The following SOX6 variants were observed in gnomAD, a reference collection of about 807,000 sequenced individuals.
SOX6 encodes SRY-box transcription factor 6, also known as transcription factor SOX-6.
In SOX6, 11 loss-of-function variants were observed where a neutral mutation model predicts 97.8. The ratio of observed to expected loss-of-function variants is 0.11; its 90% CI spans 0.07 to 0.19. SOX6 has a LOEUF of 0.19. Ranked by LOEUF, SOX6 falls within the 10% of genes least tolerant of loss-of-function variation. The probability of loss-of-function intolerance (pLI) is 1.00; values close to 1 mark genes in which losing one functional copy is unlikely to be tolerated. For synonymous variants in SOX6, 360 were observed against 371.4 expected, an observed-to-expected ratio of 0.97 and a Z score of 0.35; for missense variants, 810 against 1,039.5, an observed-to-expected ratio of 0.78 and a Z score of 3.04.
At chr11:16,169,200 G>A (rs1044296787) in intron 6 of SOX6, among the ~76,000 whole-genome samples, 1 of 152,018 alleles carries the variant, frequency 6.6e-6, no homozygotes, top group African/African-American at 2.4e-5. Flanking sequence ...TTCATTTATA[G>A]ATAATGCTTC....
chr11:16,727,973 G>GAT (rs1441191841), intron 2 of SOX6, among the ~76,000 whole-genome samples: 1 of 152,104 alleles, frequency 6.6e-6, no homozygotes, highest in Non-Finnish European at 1.5e-5. Context: ...CAGAACAGAA[G>GAT]ATATACATCT....
intron 3 of SOX6, among the ~76,000 whole-genome samples, chr11:16,670,234 GAAAC>G (rs938890055): frequency 9.9e-5 from 15 of 152,236 alleles, no homozygotes; most frequent in South Asian, 4.1e-4. Context: ...GTCTGGGGAA[GAAAC>G]AAACAGATTG....
intron 1 of SOX6, among the ~76,000 whole-genome samples, chr11:16,433,557 G>C (rs1456168923): frequency 6.6e-6 from 1 of 151,912 alleles, no homozygotes; most frequent in Non-Finnish European, 1.5e-5. Flanking sequence ...TTATATTTTG[G>C]TTATTAATAT....
intron 9 of SOX6, among the ~76,000 whole-genome samples, chr11:16,095,358 A>C (rs937959992): frequency 4.0e-5 from 6 of 151,786 alleles, no homozygotes; most frequent in African/African-American, 7.2e-5. Flanking sequence ...AGTGGTAAGA[A>C]TATCCCAACA....
intron 4 of SOX6, among the ~76,000 whole-genome samples, chr11:16,500,071 G>A (rs1341361183): frequency 2.0e-5 from 3 of 152,108 alleles, no homozygotes; most frequent in Non-Finnish European, 4.4e-5. Context: ...ATAAAATACT[G>A]GAAAACCAAA....
At chr11:16,711,067 A>G (rs1306688986) in intron 3 of SOX6, among the ~76,000 whole-genome samples, 2 of 152,106 alleles carry the variant, frequency 1.3e-5, no homozygotes, top group South Asian at 2.1e-4. Flanking sequence ...GAATTGCTCT[A>G]TATCTCTTCA....
intron 3 of SOX6, among the ~76,000 whole-genome samples, chr11:16,627,782 C>G (rs1406958501): frequency 1.3e-5 from 2 of 152,182 alleles, no homozygotes; most frequent in East Asian, 3.8e-4. Context: ...ATTTTGCATG[C>G]AGAAGCTCTT....
chr11:16,710,246 A>G (rs1053977802), intron 3 of SOX6, among the ~76,000 whole-genome samples: 1 of 152,238 alleles, frequency 6.6e-6, no homozygotes, highest in African/African-American at 2.4e-5. Flanking sequence ...AAAACTAGAG[A>G]AGAAAAGAAT....
chr11:16,324,214 A>G (rs1856006013), intron 2 of SOX6, among the ~76,000 whole-genome samples: 1 of 152,080 alleles, frequency 6.6e-6, no homozygotes, highest in Non-Finnish European at 1.5e-5. Flanking sequence ...AACAAAAAAA[A>G]TCAAACAGGC....
intron 1 of SOX6, among the ~76,000 whole-genome samples, chr11:16,364,723 C>T (rs932595837): frequency 3.9e-5 from 6 of 152,210 alleles, no homozygotes; most frequent in Non-Finnish European, 7.4e-5. Context: ...AGTATTATCA[C>T]TCAGAATGAC....
intron 3 of SOX6, among the ~76,000 whole-genome samples, chr11:16,671,151 T>C (rs1321427640): frequency 3.3e-5 from 5 of 152,190 alleles, no homozygotes; most frequent in Admixed American, 6.5e-5. Flanking sequence ...TTGACTATAC[T>C]CAATCTGCAC....
At chr11:16,560,177 G>A (rs1847792473) in intron 4 of SOX6, among the ~76,000 whole-genome samples, 1 of 152,160 alleles carries the variant, frequency 6.6e-6, no homozygotes. Flanking sequence ...TATGGTGGAT[G>A]CACACAAGGA....
At chr11:16,708,471 T>C (rs1456782994) in intron 3 of SOX6, among the ~76,000 whole-genome samples, 2 of 152,222 alleles carry the variant, frequency 1.3e-5, no homozygotes, top group Admixed American at 6.5e-5. Flanking sequence ...AAACACATAG[T>C]TTAAAAATAT....
At chr11:16,604,245 TTGCCAGGTGTCCGTCCTGTCC>T (rs1240294585) in intron 4 of SOX6, among the ~76,000 whole-genome samples, 10 of 152,190 alleles carry the variant, frequency 6.6e-5, no homozygotes, top group Admixed American at 1.3e-4. Context: ...AGGGCAGGAC[TTGCCAGGTGTCCGTCCTGTCC>T]CTCCTCGCCA....
chr11:16,267,839 T>A (rs1413848541), intron 3 of SOX6, among the ~76,000 whole-genome samples: 1 of 151,578 alleles, frequency 6.6e-6, no homozygotes, highest in African/African-American at 2.4e-5. Context: ...ATGTGGCATA[T>A]GTACACAAAA....
chr11:16,444,168 TTC>T (rs1859568086), intron 1 of SOX6, among the ~76,000 whole-genome samples: 1 of 152,220 alleles, frequency 6.6e-6, no homozygotes, highest in African/African-American at 2.4e-5. Context: ...ATATCATTTT[TTC>T]TGTCAAAATC....
chr11:16,414,992 T>C (rs2133059595), intron 1 of SOX6, among the ~76,000 whole-genome samples: 1 of 152,318 alleles, frequency 6.6e-6, no homozygotes, highest in South Asian at 2.1e-4. Context: ...CTAGTCATTA[T>C]ATTCACAATG....
At position 16,362,928 on chromosome 11, in the gene SOX6, A is replaced by C. The variant is rs767332521; in HGVS notation, c.-4-21676T>G. ...ATACCTGTGATACTTCTAGTCATAG[A>C]GATCTTTATAAGTCTGGTACTATGC... On this transcript the variant is annotated intron_variant, in intron 1 of 15. Coordinates refer to the SOX6 transcript ENST00000396356. Among the ~76,000 whole-genome samples, 3 of 152,296 alleles carry C rather than the reference A, an allele frequency of 2.0e-5. No individual in the cohort carries two copies. The East Asian group carries it at 5.8e-4, about 29-fold the overall frequency.
intron 3 of SOX6, among the ~76,000 whole-genome samples, chr11:16,618,330 A>G (rs1848496817): frequency 6.6e-6 from 1 of 151,998 alleles, no homozygotes; most frequent in South Asian, 2.1e-4. Flanking sequence ...GTCTATATTT[A>G]TCATGCATCT....
Sources: gnomAD v4.1 joint callset for allele counts (sites outside exome capture counted in the v4.1 genomes callset) on GRCh38, gnomAD v4.1.1 for gene constraint, MANE v1.5 for transcripts, NCBI Gene and HGNC (gene_info 2026-07-23, HGNC 2026-07-21) for gene names.